Variants in ADGRL3 observed in about 807,000 individuals in gnomAD.
ADGRL3 encodes adhesion G protein-coupled receptor L3, also known as calcium-independent alpha-latrotoxin receptor 3.
Under a neutral mutation model 153.5 loss-of-function variants are expected in ADGRL3, and 62 were observed. The ratio of observed to expected loss-of-function variants is 0.40; its 90% CI spans 0.33 to 0.50. ADGRL3 has a LOEUF of 0.50. Ranked by LOEUF, ADGRL3 falls within the 20% of genes least tolerant of loss-of-function variation. The probability of loss-of-function intolerance (pLI) is 0.47; values close to 1 mark genes in which losing one functional copy is unlikely to be tolerated. For missense variants in ADGRL3, 1,641 were observed against 1,859.4 expected, an observed-to-expected ratio of 0.88 and a Z score of 2.16; for synonymous variants, 710 against 672.5, an observed-to-expected ratio of 1.06 and a Z score of -0.86.
chr4:62,044,091 T>C (rs1053208723), intron 24 of ADGRL3, among the ~76,000 whole-genome samples: 2 of 152,100 alleles, frequency 1.3e-5, no homozygotes, highest in Non-Finnish European at 1.5e-5. Flanking sequence ...ATAAAAGTTA[T>C]AGTAAAAATA....
At chr4:61,975,043 T>G in intron 17 of ADGRL3, among the ~76,000 whole-genome samples, 1 of 152,190 alleles carries the variant, frequency 6.6e-6, no homozygotes, top group Admixed American at 6.5e-5. Flanking sequence ...TACATATTTC[T>G]CCAGGAGCTG....
At chr4:61,771,571 G>A (rs1441201902) in intron 8 of ADGRL3, among the ~76,000 whole-genome samples, 2 of 152,124 alleles carry the variant, frequency 1.3e-5, no homozygotes, top group Non-Finnish European at 2.9e-5. Flanking sequence ...CAGAAGAGAT[G>A]GACCCTTTTC....
Position 61,948,105 on chromosome 4 carries a change from A to C in ADGRL3, c.2634A>C (p.Ser878=). The change falls in exon 17 of 27, where the codon TCA becomes TCC. Residue 878 remains serine, a synonymous_variant. Transcript: ENST00000683033. Reference sequence around the variant, plus strand: ...GGATTTTTTTTCCCCTGTAGCAGTCAGAGGAAAATTTCAACCCTAACTGTT... The same window carrying C: ...GGATTTTTTTTCCCCTGTAGCAGTCCGAGGAAAATTTCAACCCTAACTGTT... ...VVFTVKHIKQ[S]EENFNPNCSF... 6.2e-7 allele frequency: 1 copy of C among 1,610,378 alleles called. No homozygotes were observed. Among genetic ancestry groups the C allele is most frequent in the Non-Finnish European group, 8.5e-7 (1 of 1,177,776 alleles).
chr4:61,897,350 A>G (rs2098637588), intron 11 of ADGRL3, among the ~76,000 whole-genome samples: 1 of 152,230 alleles, frequency 6.6e-6, no homozygotes, highest in Non-Finnish European at 1.5e-5. Context: ...AAAAAGTGTA[A>G]CAAGAGGCTT....
rs563672494 is a variant in ADGRL3 at position 61,631,663 on chromosome 4, C to G, written c.473+44223C>G. On this transcript the variant is annotated intron_variant, in intron 5 of 26. Coordinates refer to ENST00000683033, the MANE Select transcript of ADGRL3 (RefSeq NM_001387552.1). ...GGGCAGATAGAAAGTAGTTACCAAA[C>G]TTTTGTTGGCTAGATTAACTACACA... Among the ~76,000 whole-genome samples, 166 of 152,202 alleles carry G rather than the reference C, an allele frequency of 1.1e-3. 2 individuals are homozygous for G. The highest frequency in any genetic ancestry group is 3.7e-3 in the South Asian group (18 of 4,824).
intron 5 of ADGRL3, among the ~76,000 whole-genome samples, chr4:61,600,105 C>T (rs962007931): frequency 2.0e-5 from 3 of 151,796 alleles, no homozygotes; most frequent in Non-Finnish European, 4.4e-5. Context: ...GTCAGGAGAT[C>T]GAGACCATCC....
intron 6 of ADGRL3, among the ~76,000 whole-genome samples, chr4:61,698,828 T>C: frequency 6.6e-6 from 1 of 152,198 alleles, no homozygotes; most frequent in East Asian, 1.9e-4. Context: ...TAAAATTATG[T>C]AAATAGAAGA....
chr4:61,476,071 G>A (rs2098044812), intron 2 of ADGRL3, among the ~76,000 whole-genome samples: 1 of 152,052 alleles, frequency 6.6e-6, no homozygotes, highest in Admixed American at 6.6e-5. Flanking sequence ...ATTGTATTTA[G>A]GAGTCAGATA....
At chr4:61,553,239 T>TCC (rs1476134010) in intron 4 of ADGRL3, among the ~76,000 whole-genome samples, 21 of 152,332 alleles carry the variant, frequency 1.4e-4, no homozygotes, top group Admixed American at 1.3e-3. Context: ...ATTTTCACTC[T>TCC]CCTTTGGTTT....
At chr4:62,038,423 C>CTG (rs1726306633) in intron 24 of ADGRL3, among the ~76,000 whole-genome samples, 1 of 152,038 alleles carries the variant, frequency 6.6e-6, no homozygotes, top group Non-Finnish European at 1.5e-5. Flanking sequence ...TAGTACCTTA[C>CTG]CAGAAAAATT....
chr4:61,775,745 G>T, intron 8 of ADGRL3: 2 of 921,684 alleles, frequency 2.2e-6, no homozygotes, highest in Non-Finnish European at 3.6e-6. Context: ...GTAGCTTCAT[G>T]AATTCCACGT....
intron 18 of ADGRL3, among the ~76,000 whole-genome samples, chr4:61,981,197 G>A (rs968244602): frequency 3.9e-5 from 6 of 151,944 alleles, no homozygotes; most frequent in African/African-American, 1.5e-4. Flanking sequence ...TTTAACCATA[G>A]GGCTCAATAT....
intron 1 of ADGRL3, among the ~76,000 whole-genome samples, chr4:61,269,839 T>C (rs1208213712): frequency 6.6e-6 from 1 of 151,684 alleles, no homozygotes; most frequent in Non-Finnish European, 1.5e-5. Context: ...AAATACGTAA[T>C]TCAGTTTATA....
intron 25 of ADGRL3, among the ~76,000 whole-genome samples, chr4:62,067,011 A>G (rs1483401029): frequency 6.6e-6 from 1 of 152,130 alleles, no homozygotes; most frequent in Non-Finnish European, 1.5e-5. Context: ...CTTTCATTTA[A>G]GGAATGAGCC....
intron 8 of ADGRL3, among the ~76,000 whole-genome samples, chr4:61,779,649 A>AG (rs1218140271): frequency 6.6e-6 from 1 of 151,294 alleles, no homozygotes; most frequent in African/African-American, 2.4e-5. Flanking sequence ...AAAAAAAAAA[A>AG]AAAAAAAAAA....
At chr4:61,987,554 C>T (rs374824183) in intron 19 of ADGRL3, among the ~76,000 whole-genome samples, 33 of 152,196 alleles carry the variant, frequency 2.2e-4, no homozygotes, top group Non-Finnish European at 4.0e-4. Flanking sequence ...TCTGCTGTCT[C>T]AAGTTTGTTT....
At chr4:61,372,903 G>C (rs953267699) in intron 1 of ADGRL3, among the ~76,000 whole-genome samples, 3 of 152,192 alleles carry the variant, frequency 2.0e-5, no homozygotes, top group African/African-American at 7.2e-5. Context: ...AGGACCCTCC[G>C]AGCCAGGTGC....
At chr4:61,993,785 C>G (rs553879777) in intron 19 of ADGRL3, among the ~76,000 whole-genome samples, 10 of 152,104 alleles carry the variant, frequency 6.6e-5, no homozygotes, top group South Asian at 2.1e-4. Flanking sequence ...TGGTGACAAG[C>G]TAGCCTATGG....
At chr4:61,554,351 G>C (rs530999586) in intron 4 of ADGRL3, among the ~76,000 whole-genome samples, 1 of 151,698 alleles carries the variant, frequency 6.6e-6, no homozygotes, top group Non-Finnish European at 1.5e-5. Context: ...GTGCCACCAC[G>C]TCTAGCTAAT....
Sources: allele counts gnomAD v4.1 joint callset (sites outside exome capture counted in the v4.1 genomes callset), GRCh38; gene constraint gnomAD v4.1.1; transcripts MANE v1.5; gene names NCBI Gene and HGNC (gene_info 2026-07-23, HGNC 2026-07-21).